CREBBP: variants seen among roughly 807,000 people sequenced by gnomAD.
The protein encoded by CREBBP is CREB binding lysine acetyltransferase, also known as CREB-binding protein.
In CREBBP, 19 loss-of-function variants were observed where a neutral mutation model predicts 265.0. The ratio of observed to expected loss-of-function variants is 0.07; its 90% confidence interval spans 0.05 to 0.11. The LOEUF (loss-of-function observed/expected upper bound fraction) is 0.11. Ranked by LOEUF, CREBBP falls within the 10% of genes least tolerant of loss-of-function variation. The pLI, the probability that CREBBP is intolerant of heterozygous loss-of-function variation, is 1.00. For synonymous variants in CREBBP, 1,457 were observed against 1,223.7 expected, an observed-to-expected ratio of 1.19 and a Z score of -3.98; for missense variants, 2,525 against 3,219.0, an observed-to-expected ratio of 0.78 and a Z score of 5.22.
chr16:3,812,648 C>T (rs908553227), intron 2 of CREBBP, among the ~76,000 whole-genome samples: 1 of 151,928 alleles, frequency 6.6e-6, no homozygotes, highest in Non-Finnish European at 1.5e-5. Context: ...TCCCTGATGA[C>T]CCCCAGCTCC....
At chr16:3,855,859 CCTCT>C (rs1394826006) in intron 1 of CREBBP, among the ~76,000 whole-genome samples, 1 of 152,176 alleles carries the variant, frequency 6.6e-6, no homozygotes, top group Non-Finnish European at 1.5e-5. Flanking sequence ...ATTAAAAAGT[CCTCT>C]CTATCATAAC....
chr16:3,736,014 G>A, intron 28 of CREBBP, 22 bp downstream of exon 28: 1 of 1,614,194 alleles, frequency 6.2e-7, no homozygotes, highest in Non-Finnish European at 8.5e-7. Flanking sequence ...GTGGGCAATG[G>A]AGCTCAGAGA....
At chr16:3,747,949 G>A (rs1161060310) in intron 21 of CREBBP, among the ~76,000 whole-genome samples, 1 of 152,216 alleles carries the variant, frequency 6.6e-6, no homozygotes, top group Non-Finnish European at 1.5e-5. Context: ...AATTAGCCAG[G>A]TGTGGTGGCA....
Position 3,782,783 on chromosome 16 carries a change from A to G in CREBBP, c.1474T>C (p.Tyr492His). The change falls in exon 6 of 31, where the codon TAC becomes CAC. Residue 492 changes from tyrosine (Y) to histidine (H), a missense_variant. Around this residue, in one of 19 missense-constraint regions of CREBBP, gnomAD observed 144 missense variants for 134.0 expected, o/e 1.07. Transcript: ENST00000262367. ...AGCTGCGTCTGGGGCTGGTTCATGTAGGGGAGTCCGAGAGCAGCATAGGCT... is the reference window on the plus strand; with the variant it reads ...AGCTGCGTCTGGGGCTGGTTCATGTGGGGGAGTCCGAGAGCAGCATAGGCT... ...QRAYAALGLP[Y>H]MNQPQTQLQP... 6.2e-7 allele frequency: 1 copy of G among 1,614,096 alleles called. No homozygotes were observed. The highest frequency in any genetic ancestry group is 1.1e-5 in the South Asian group (1 of 91,076).
At chr16:3,833,619 A>C (rs770851447) in intron 2 of CREBBP, among the ~76,000 whole-genome samples, 3 of 152,238 alleles carry the variant, frequency 2.0e-5, no homozygotes, top group Non-Finnish European at 4.4e-5. Flanking sequence ...ACATTAATAC[A>C]GAAACATTTA....
At chr16:3,836,773 T>C (rs1254595802) in intron 2 of CREBBP, among the ~76,000 whole-genome samples, 1 of 152,228 alleles carries the variant, frequency 6.6e-6, no homozygotes, top group African/African-American at 2.4e-5. Context: ...CAGTCATGTG[T>C]TGCATAACAA....
chr16:3,830,918 A>G (rs1296717), intron 2 of CREBBP, among the ~76,000 whole-genome samples: 148,105 of 152,224 alleles, frequency 0.97, 72,155 homozygotes, highest in Middle Eastern at 1. Context: ...AAGCAGCTGC[A>G]ACTACAGAAG....
chr16:3,731,428 G>C lies in CREBBP; in HGVS notation c.4936C>G (p.Leu1646Val). The C allele has an allele frequency of 6.2e-7, 1 of 1,602,622 alleles. No individual in the cohort carries two copies. The highest frequency in any genetic ancestry group is 8.5e-7 in the Non-Finnish European group (1 of 1,175,378). Residue 1646 changes from leucine (L) to valine (V), a missense_variant, in exon 30 of 31, where the codon CTG becomes GTG. Physicochemically the swap from Leu to Val is conservative, Grantham distance 32 (BLOSUM62 1). Transcript: ENST00000262367. This position sits in a 1 kb window ranked among gnomAD's most constrained non-coding sequence, Gnocchi z 7.7. The part of the protein sequence containing the change: ...HLHAGPVINT[L>V]PPIVDPDPLL... Reference sequence around the variant, plus strand: ...GGGTCGGGGTCGACGATGGGGGGCAGGGTGTTGATGACAGGCCCAGCGTGC... The same window carrying C: ...GGGTCGGGGTCGACGATGGGGGGCACGGTGTTGATGACAGGCCCAGCGTGC...
rs560516726 is a variant in CREBBP, at chr16:3,731,502, C to T, written c.4891-29G>A. ...CAGGAGAGGAGGGGCTTTAGTCCCA[C>T]ACAAGGGACATGGCACCTCCAGTGG... On this transcript the variant is annotated intron_variant, in intron 29 of 30. Coordinates refer to ENST00000262367, the MANE Select transcript of CREBBP (RefSeq NM_004380.3). This position sits in a 1 kb window ranked among gnomAD's most constrained non-coding sequence, Gnocchi z 7.7. The T allele has an allele frequency of 1.9e-6, 3 of 1,561,934 alleles. No homozygotes were observed. The highest frequency in any genetic ancestry group is 1.9e-5 in the Admixed American group (1 of 51,788).
Position 3,870,215 on chromosome 16 carries a change from T to C in CREBBP, c.85+9617A>G, listed in dbSNP as rs375314391. The stretch of plus-strand genomic sequence containing the variant: ...TCTCCATTAAAAGAATTTCCTACTA[T>C]AGAATCTGCAGGAGGAGAAAAGTCA... On this transcript the variant is annotated intron_variant, in intron 1 of 30. Transcript: ENST00000262367. Among the ~76,000 whole-genome samples the C allele has an allele frequency of 2.6e-5, 4 of 152,190 alleles. No homozygotes were observed. In the East Asian group the frequency reaches 5.8e-4, roughly 22 times the overall value.
At chr16:3,840,454 T>C (rs1377878559) in intron 2 of CREBBP, 1 of 152,608 alleles carries the variant, frequency 6.6e-6, no homozygotes, top group Non-Finnish European at 1.5e-5. Context: ...CTTGTGGCAA[T>C]TTGAGAGTCC....
rs1244141609 is a variant in CREBBP, at chr16:3,773,600, A to C, written c.2463+151T>G. 2.5e-5 allele frequency: 20 copies of C among 801,974 alleles called. No homozygotes were observed. In the East Asian group the frequency reaches 4.0e-4, roughly 16 times the overall value. 49.7% of individuals were successfully genotyped at this position (801,974 alleles called of 1,614,324 possible). A position where few individuals can be genotyped will look rare whatever the true frequency, so the allele number is the denominator to read the frequency against. On this transcript the variant is annotated intron_variant, in intron 13 of 30. Transcript: ENST00000262367. Reference sequence around the variant, plus strand: ...AAACGAGTTAAGGACTACAGGACAAAGGTGGAGAAAACAAAGAGAAGCTGA... The same window carrying C: ...AAACGAGTTAAGGACTACAGGACAACGGTGGAGAAAACAAAGAGAAGCTGA...
At position 3,774,692 on chromosome 16, in the gene CREBBP, C is replaced by T. The variant is rs777932530; in HGVS notation, c.2160G>A (p.Gly720=). Residue 720 remains glycine (G), a splice_region_variant and synonymous_variant, in exon 12 of 31, where the codon GGG becomes GGA. Coordinates refer to ENST00000262367, the MANE Select transcript of CREBBP (RefSeq NM_004380.3). The stretch of plus-strand genomic sequence containing the variant: ...AGGACATGGGGTTAAATGAATTCAT[C>T]CCTGTAAATGTACCCACAACGGTTC... ...LPVNRMQVSQ[G]MNSFNPMSLG... is the part of the protein sequence containing the mutation. The T allele has an allele frequency of 2.7e-5, 44 of 1,614,048 alleles. No homozygotes were observed. Among genetic ancestry groups the T allele is most frequent in the Non-Finnish European group, 3.6e-5 (42 of 1,180,048 alleles).
chr16:3,738,460 A>T (rs1194346930), intron 26 of CREBBP, 99 bp downstream of exon 26: 11 of 783,506 alleles, frequency 1.4e-5, no homozygotes, highest in South Asian at 4.5e-5. Context: ...GGAAAAATAA[A>T]AACGCATAAA....
At position 3,726,063 on chromosome 16, in the gene CREBBP, G is replaced by C. The variant is rs1285181705; in HGVS notation, c.*1655C>G. On this transcript the variant is annotated 3_prime_UTR_variant, in exon 31 of 31. Coordinates refer to ENST00000262367, the MANE Select transcript of CREBBP (RefSeq NM_004380.3). ...TAAGTGCAAGTATCCCCCGAAGTGGGGGACCTTTCTCACTGTAACAGGGAC... is the reference window on the plus strand; with the variant it reads ...TAAGTGCAAGTATCCCCCGAAGTGGCGGACCTTTCTCACTGTAACAGGGAC... 1 of 233,188 alleles carries C rather than the reference G, an allele frequency of 4.3e-6. No individual in the cohort carries two copies. The highest frequency in any genetic ancestry group is 8.5e-6 in the Non-Finnish European group (1 of 118,048). 14.4% of individuals were successfully genotyped at this position (233,188 alleles called of 1,614,324 possible). A position where few individuals can be genotyped will look rare whatever the true frequency, so the allele number is the denominator to read the frequency against.
At chr16:3,764,591 A>T (rs1046499431) in intron 16 of CREBBP, among the ~76,000 whole-genome samples, 4 of 151,684 alleles carry the variant, frequency 2.6e-5, no homozygotes, top group African/African-American at 9.7e-5. Flanking sequence ...TTAATTAATT[A>T]ATTTATTTTT....
chr16:3,770,714 G>C lies in CREBBP; in HGVS notation c.2736C>G (p.Thr912=), dbSNP rs2052981729. The change falls in exon 14 of 31, where the codon ACC becomes ACG. Residue 912 remains threonine (T), a synonymous_variant. Coordinates refer to ENST00000262367, the MANE Select transcript of CREBBP (RefSeq NM_004380.3). ...CTGCCTGGACTGTAGGGGTGCTCTG[G>C]GTTTGGGTAGCACTGGGCACTGAGC... The part of the protein sequence containing the change: ...TPGSVPSATQ[T]QSTPTVQAAA... 1 of 1,614,104 alleles carries C rather than the reference G, an allele frequency of 6.2e-7. No homozygotes were observed. The highest frequency in any genetic ancestry group is 8.5e-7 in the Non-Finnish European group (1 of 1,180,002).
rs2151298802 is a variant in CREBBP at position 3,727,874 on chromosome 16, C to T, written c.7173G>A (p.Met2391Ile). Residue 2391 changes from methionine to isoleucine, a missense_variant, in exon 31 of 31, where the codon ATG (methionine) becomes ATA (isoleucine). By Grantham distance (10) the Met-to-Ile change is conservative (BLOSUM62 1). Around this residue, in one of 19 missense-constraint regions of CREBBP, gnomAD observed 473 missense variants for 459.3 expected, o/e 1.03. Coordinates refer to ENST00000262367, the MANE Select transcript of CREBBP (RefSeq NM_004380.3). The part of the protein sequence containing the change: ...GSPHPGLAVT[M>I]ASSIDQGHLG... ...AGTGTCCCTGATCTATGGAGCTGGC[C>T]ATGGTGACTGCGAGTCCGGGGTGGG... The T allele has an allele frequency of 6.2e-7, 1 of 1,613,830 alleles. No homozygotes were observed. Among genetic ancestry groups the T allele is most frequent in the Non-Finnish European group, 8.5e-7 (1 of 1,179,840 alleles).
intron 26 of CREBBP, chr16:3,737,020 A>T: frequency 1.5e-6 from 1 of 650,134 alleles, no homozygotes; most frequent in African/African-American, 1.8e-5. Context: ...GCCCTGCAAC[A>T]CTTCTCCCTT....
Sources: gnomAD v4.1 joint callset for allele counts (sites outside exome capture counted in the v4.1 genomes callset) on GRCh38, gnomAD v4.1.1 for gene constraint, gnomAD v4.1.1 regional missense constraint, Gnocchi (gnomAD v3.1) non-coding constraint, MANE v1.5 for transcripts, NCBI Gene and HGNC (gene_info 2026-07-23, HGNC 2026-07-21) for gene names.